The following MAP3K21 variants were observed in gnomAD, a reference collection of about 807,000 sequenced individuals.
MAP3K21 encodes mitogen-activated protein kinase kinase kinase MLK4.
Under a neutral mutation model 86.1 loss-of-function variants are expected in MAP3K21, and 63 were observed. The ratio of observed to expected loss-of-function variants is 0.73; its 90% CI spans 0.60 to 0.90. The LOEUF (loss-of-function observed/expected upper bound fraction) is 0.90. Ranked by LOEUF, MAP3K21 falls within the 40% of genes least tolerant of loss-of-function variation. The probability of loss-of-function intolerance (pLI) is 0.00; values close to 1 mark genes in which losing one functional copy is unlikely to be tolerated. For synonymous variants in MAP3K21, 558 were observed against 564.8 expected, an observed-to-expected ratio of 0.99 and a Z score of 0.17; for missense variants, 1,220 against 1,367.7, an observed-to-expected ratio of 0.89 and a Z score of 1.70.
At chr1:233,338,538 G>A (rs1662959674) in intron 1 of MAP3K21, among the ~76,000 whole-genome samples, 1 of 152,200 alleles carries the variant, frequency 6.6e-6, no homozygotes. Context: ...AAGATTGTGT[G>A]TCTAAGCAAA....
rs374695182 is a variant in MAP3K21 at position 233,375,964 on chromosome 1, G to C, written c.1724G>C (p.Arg575Pro). ...NKTWGRNTVF[R>P]QEEFEDVKRN... is the part of the protein sequence containing the mutation. ...ACTTGGGGAAGGAACACAGTCTTTCGACAAGAAGAATTTGAGGATGTAAAA... is the reference window on the plus strand; with the variant it reads ...ACTTGGGGAAGGAACACAGTCTTTCCACAAGAAGAATTTGAGGATGTAAAA... The change falls in exon 7 of 10, where the codon CGA becomes CCA. Residue 575 changes from arginine to proline, a missense_variant. Physicochemically the swap from Arg to Pro is moderately radical, Grantham distance 103. Transcript: ENST00000366624. The C allele has an allele frequency of 6.2e-7, 1 of 1,609,698 alleles. No individual in the cohort carries two copies. The highest frequency in any genetic ancestry group is 1.3e-5 in the African/African-American group (1 of 74,718).
chr1:233,350,195 A>G (rs1275586188), intron 2 of MAP3K21, among the ~76,000 whole-genome samples: 2 of 152,194 alleles, frequency 1.3e-5, no homozygotes, highest in African/African-American at 4.8e-5. Flanking sequence ...AATGTGGTGT[A>G]AATGGCTGTC....
At chr1:233,358,058 G>GTTTTTTTT (rs1558457812) in intron 4 of MAP3K21, among the ~76,000 whole-genome samples, 1 of 146,520 alleles carries the variant, frequency 6.8e-6, no homozygotes, top group Non-Finnish European at 1.5e-5. Flanking sequence ...GTGCCTGATG[G>GTTTTTTTT]GTTTTTTTTT....
Position 233,328,554 on chromosome 1 carries a change from G to A in MAP3K21, c.526G>A (p.Ala176Thr). The change falls in exon 1 of 10, where the codon GCC (alanine) becomes ACC (threonine). Residue 176 changes from alanine (A) to threonine (T), a missense_variant. Ala to Thr is a moderately conservative substitution (Grantham distance 58). Around this residue, in one of 5 missense-constraint regions of MAP3K21, gnomAD observed 369 missense variants for 385.3 expected, o/e 0.96. Transcript: ENST00000366624. This position sits in a 1 kb window ranked among gnomAD's most constrained non-coding sequence, Gnocchi z 8.7. ...CGTGCGGCGCGAGGCTCGGCTCTTCGCCATGCTGCGGCACCCCAACATCAT... is the reference window on the plus strand; with the variant it reads ...CGTGCGGCGCGAGGCTCGGCTCTTCACCATGCTGCGGCACCCCAACATCAT... ...ESVRREARLF[A>T]MLRHPNIIEL... 1 of 1,533,140 alleles carries A rather than the reference G, an allele frequency of 6.5e-7. No individual in the cohort carries two copies. The highest frequency in any genetic ancestry group is 1.2e-5 in the South Asian group (1 of 83,884). The allele number at this position is 1,533,140 out of a possible 1,614,324, so 95.0% of individuals were successfully genotyped here.
chr1:233,363,422 G>T (rs1663505039), intron 5 of MAP3K21, among the ~76,000 whole-genome samples: 1 of 152,208 alleles, frequency 6.6e-6, no homozygotes, highest in Non-Finnish European at 1.5e-5. Context: ...TGACATCTGG[G>T]TGCAGTGGCT....
intron 9 of MAP3K21, among the ~76,000 whole-genome samples, chr1:233,380,947 T>C (rs183762189): frequency 6.6e-6 from 1 of 152,312 alleles, no homozygotes; most frequent in Admixed American, 6.5e-5. Context: ...CATGCTATCA[T>C]GTGCTAGAAT....
At chr1:233,359,406 C>CT (rs57793955) in intron 4 of MAP3K21, among the ~76,000 whole-genome samples, 18 of 151,832 alleles carry the variant, frequency 1.2e-4, no homozygotes, top group Admixed American at 1.1e-3. Flanking sequence ...ATATATAATG[C>CT]TTTTTTTTGG....
intron 6 of MAP3K21, chr1:233,373,526 A>G (rs1663727109): frequency 1.3e-5 from 2 of 152,282 alleles, no homozygotes; most frequent in South Asian, 4.1e-4. Flanking sequence ...GCTCCTTCTC[A>G]GAAGTAACAT....
chr1:233,355,734 T>C (rs542819564), intron 4 of MAP3K21, among the ~76,000 whole-genome samples: 14 of 152,174 alleles, frequency 9.2e-5, no homozygotes, highest in Non-Finnish European at 1.9e-4. Flanking sequence ...CTCAAGGGTC[T>C]TTTTGCAGTG....
chr1:233,369,473 G>A (rs1420772629), intron 5 of MAP3K21, among the ~76,000 whole-genome samples: 1 of 152,134 alleles, frequency 6.6e-6, no homozygotes, highest in Non-Finnish European at 1.5e-5. Context: ...TAGGCTGAGA[G>A]CACATGTGGA....
At chr1:233,347,668 G>A (rs751154652) in intron 2 of MAP3K21, among the ~76,000 whole-genome samples, 16 of 152,144 alleles carry the variant, frequency 1.1e-4, no homozygotes, top group Non-Finnish European at 1.9e-4. Context: ...TTATAAGTAG[G>A]AGCTTAACAT....
At chr1:233,357,931 T>C (rs1331750668) in intron 4 of MAP3K21, among the ~76,000 whole-genome samples, 1 of 152,186 alleles carries the variant, frequency 6.6e-6, no homozygotes, top group Non-Finnish European at 1.5e-5. Context: ...GCCTGTTTCC[T>C]TCTCCAGGAC....
intron 2 of MAP3K21, 55 bp downstream of exon 2, chr1:233,346,677 A>G: frequency 6.8e-7 from 1 of 1,467,472 alleles, no homozygotes; most frequent in South Asian, 1.2e-5. Flanking sequence ...GCTTTATTTC[A>G]GTAAGTCCCA....
intron 1 of MAP3K21, among the ~76,000 whole-genome samples, chr1:233,343,988 C>G (rs568695687): frequency 6.6e-6 from 1 of 152,176 alleles, no homozygotes; most frequent in Non-Finnish European, 1.5e-5. Context: ...ATTAGAGCCT[C>G]GTGGACAACC....
At chr1:233,340,502 AGAT>A (rs1201237101) in intron 1 of MAP3K21, among the ~76,000 whole-genome samples, 2 of 151,816 alleles carry the variant, frequency 1.3e-5, no homozygotes, top group African/African-American at 2.4e-5. Flanking sequence ...ATTTAGAATG[AGAT>A]TGAGAAGGGA....
Position 233,382,890 on chromosome 1 carries a change from G to A in MAP3K21, c.*179G>A. The A allele has an allele frequency of 1.8e-6, 1 of 566,086 alleles. No homozygotes were observed. Among genetic ancestry groups the A allele is most frequent in the Non-Finnish European group, 3.1e-6 (1 of 325,138 alleles). The allele number at this position is 566,086 out of a possible 1,614,324, so 35.1% of individuals were successfully genotyped here. The stretch of plus-strand genomic sequence containing the variant: ...ATGATTGCTGTTAGCCATGTCTATT[G>A]TTTTTCCTCTGGATTCTTTTCTTAT... On this transcript the variant is annotated 3_prime_UTR_variant, in exon 10 of 10. Transcript: ENST00000366624.
chr1:233,375,087 G>A (rs910090783), intron 6 of MAP3K21, among the ~76,000 whole-genome samples: 3 of 151,624 alleles, frequency 2.0e-5, no homozygotes, highest in Non-Finnish European at 2.9e-5. Flanking sequence ...GATTACAGGC[G>A]CCCGCCACCA....
At chr1:233,344,823 A>C (rs191556776) in intron 1 of MAP3K21, among the ~76,000 whole-genome samples, 8 of 152,346 alleles carry the variant, frequency 5.3e-5, no homozygotes, top group African/African-American at 1.9e-4. Flanking sequence ...AATTTTTGCA[A>C]TCTACCCATC....
chr1:233,379,016 T>C lies in MAP3K21; in HGVS notation c.2010T>C (p.Ile670=), dbSNP rs1171660252. 6.2e-7 allele frequency: 1 copy of C among 1,614,078 alleles called. No individual in the cohort carries two copies. Among genetic ancestry groups the C allele is most frequent in the Non-Finnish European group, 8.5e-7 (1 of 1,180,026 alleles). The change falls in exon 9 of 10, where the codon ATT becomes ATC. Residue 670 remains isoleucine (I), a synonymous_variant. Transcript: ENST00000366624. ...TAAAATTGCCTAGTCAGGCCTACAT[T>C]GATCTACCTCTTGGGAAAGATGCTC... is the stretch of plus-strand genomic sequence containing the variant. ...KQIKLPSQAY[I]DLPLGKDAQR... is the part of the protein sequence containing the mutation.
Sources: allele counts gnomAD v4.1 joint callset (sites outside exome capture counted in the v4.1 genomes callset), GRCh38; gene constraint gnomAD v4.1.1; regional missense constraint gnomAD v4.1.1; non-coding constraint Gnocchi (gnomAD v3.1); transcripts MANE v1.5; gene names NCBI Gene and HGNC (gene_info 2026-07-23, HGNC 2026-07-21).